WWOX: variants seen among roughly 807,000 people sequenced by gnomAD.
The protein encoded by WWOX is WW domain-containing oxidoreductase.
WWOX carries 69 observed loss-of-function variants against 46.2 expected under a neutral mutation model. That is an observed-to-expected ratio of 1.49 (90% CI 1.23 to 1.82). The LOEUF (loss-of-function observed/expected upper bound fraction) is 1.82, where lower values mean the gene tolerates loss of function less well. Ranked by LOEUF, WWOX falls within the 40% of genes most tolerant of loss-of-function variation. The probability of loss-of-function intolerance (pLI) is 0.00; values close to 1 mark genes in which losing one functional copy is unlikely to be tolerated. For missense variants in WWOX, 919 were observed against 542.6 expected, an observed-to-expected ratio of 1.69 and a Z score of -6.89; for synonymous variants, 359 against 202.6, an observed-to-expected ratio of 1.77 and a Z score of -6.56.
intron 8 of WWOX, among the ~76,000 whole-genome samples, chr16:78,872,251 C>T (rs555457491): frequency 6.6e-6 from 1 of 152,132 alleles, no homozygotes; most frequent in Non-Finnish European, 1.5e-5. Flanking sequence ...TATGAGAGCT[C>T]AGAAAAGTTT....
chr16:78,385,285 G>A (rs1401912460), intron 5 of WWOX, among the ~76,000 whole-genome samples: 3 of 152,156 alleles, frequency 2.0e-5, no homozygotes, highest in Non-Finnish European at 2.9e-5. Context: ...TGTCCACTGT[G>A]CTGGACTATA....
intron 8 of WWOX, among the ~76,000 whole-genome samples, chr16:78,665,007 G>T (rs1351524758): frequency 6.6e-6 from 1 of 152,202 alleles, no homozygotes; most frequent in Non-Finnish European, 1.5e-5. Context: ...GACGTTTTCT[G>T]TGCAGCGGCT....
chr16:79,102,042 G>C (rs1189616585), intron 8 of WWOX, among the ~76,000 whole-genome samples: 2 of 124,380 alleles, frequency 1.6e-5, no homozygotes, highest in Admixed American at 1.6e-4. Context: ...GTGGGGGTGG[G>C]GGGCAGGGAG....
chr16:78,723,513 CCTT>C (rs934792831), intron 8 of WWOX, among the ~76,000 whole-genome samples: 8 of 111,528 alleles, frequency 7.2e-5, no homozygotes, highest in African/African-American at 2.6e-4. Flanking sequence ...TCTTCTACTA[CCTT>C]CTTCTACTCC....
At chr16:78,786,606 T>C (rs76512173) in intron 8 of WWOX, among the ~76,000 whole-genome samples, 6,190 of 152,260 alleles carry the variant, frequency 0.041, 452 homozygotes, top group African/African-American at 0.14. Context: ...CATTCAACTT[T>C]TTTTAGTATA....
chr16:78,491,837 T>A (rs1205481419), intron 8 of WWOX, among the ~76,000 whole-genome samples: 1 of 152,206 alleles, frequency 6.6e-6, no homozygotes, highest in East Asian at 1.9e-4. Flanking sequence ...GGGGCACAGA[T>A]GCCTCCAGTG....
intron 8 of WWOX, among the ~76,000 whole-genome samples, chr16:78,433,728 CTT>C (rs1243801048): frequency 6.7e-6 from 1 of 149,186 alleles, no homozygotes; most frequent in Non-Finnish European, 1.5e-5. Flanking sequence ...GCTGCCTTCT[CTT>C]ACACTCATTC....
chr16:78,266,788 T>TTCTCTCTCTCGCTCTCTCTC (rs2079371130), intron 5 of WWOX, among the ~76,000 whole-genome samples: 1 of 115,532 alleles, frequency 8.7e-6, no homozygotes, highest in African/African-American at 3.2e-5. Context: ...TATTCTTCTA[T>TTCTCTCTCTCGCTCTCTCTC]TCTCTCTCTC....
Position 78,129,235 on chromosome 16 carries a change from G to A in WWOX, c.409+14081G>A, listed in dbSNP as rs192717630. On this transcript the variant is annotated intron_variant, in intron 4 of 8. Coordinates refer to ENST00000566780, the MANE Select transcript of WWOX (RefSeq NM_016373.4). ...ATTTGGGAAAGCTAGTCTTGTTGGT[G>A]TGTCATCATCGCGACGCTGTTAGTG... Among the ~76,000 whole-genome samples, 287 of 152,262 alleles carry A rather than the reference G, an allele frequency of 1.9e-3. 3 individuals carry two copies. Among genetic ancestry groups the A allele is most frequent in the African/African-American group, 6.4e-3 (264 of 41,540 alleles).
chr16:78,846,269 C>T (rs985993411), intron 8 of WWOX, among the ~76,000 whole-genome samples: 1 of 152,170 alleles, frequency 6.6e-6, no homozygotes, highest in African/African-American at 2.4e-5. Context: ...AGAAGTTAAC[C>T]TTGTTATGAT....
intron 8 of WWOX, among the ~76,000 whole-genome samples, chr16:78,774,418 C>A (rs1485752187): frequency 1.3e-5 from 2 of 151,948 alleles, no homozygotes; most frequent in Non-Finnish European, 2.9e-5. Context: ...AGAAAGAGTT[C>A]TGAATGATGA....
chr16:78,335,204 G>T (rs1473371738), intron 5 of WWOX, among the ~76,000 whole-genome samples: 1 of 152,178 alleles, frequency 6.6e-6, no homozygotes, highest in Non-Finnish European at 1.5e-5. Flanking sequence ...ATCTGCCACG[G>T]TGGTTTGCTG....
At chr16:78,265,768 G>A (rs2079350182) in intron 5 of WWOX, among the ~76,000 whole-genome samples, 1 of 150,170 alleles carries the variant, frequency 6.7e-6, no homozygotes, top group Non-Finnish European at 1.5e-5. Context: ...TTTTTTCACA[G>A]CTGTGTCTTC....
intron 8 of WWOX, among the ~76,000 whole-genome samples, chr16:78,717,157 C>T (rs1324020950): frequency 1.3e-5 from 2 of 152,146 alleles, no homozygotes; most frequent in East Asian, 3.9e-4. Flanking sequence ...TAAATCTAGT[C>T]TGTCTCCCCA....
chr16:78,194,337 C>T (rs2035979417), intron 5 of WWOX, among the ~76,000 whole-genome samples: 1 of 151,672 alleles, frequency 6.6e-6, no homozygotes, highest in Non-Finnish European at 1.5e-5. Context: ...CCTGTAATCT[C>T]TGCAATTTGG....
chr16:79,032,323 ATAT>A (rs2047778942), intron 8 of WWOX, among the ~76,000 whole-genome samples: 1 of 144,122 alleles, frequency 6.9e-6, no homozygotes, highest in African/African-American at 2.6e-5. Flanking sequence ...TGTAGTCTAT[ATAT>A]TATATTATAA....
At chr16:78,458,317 G>T (rs1405191603) in intron 8 of WWOX, among the ~76,000 whole-genome samples, 1 of 145,652 alleles carries the variant, frequency 6.9e-6, no homozygotes, top group Non-Finnish European at 1.5e-5. Context: ...CTAGAGTACA[G>T]TGGCGTGATC....
At chr16:78,427,308 G>C (rs544815277) in intron 7 of WWOX, among the ~76,000 whole-genome samples, 38 of 152,316 alleles carry the variant, frequency 2.5e-4, no homozygotes, top group African/African-American at 7.0e-4. Flanking sequence ...TCTTCACTGT[G>C]TTTTAGTTAC....
At chr16:78,702,698 G>C (rs1317213124) in intron 8 of WWOX, among the ~76,000 whole-genome samples, 1 of 151,744 alleles carries the variant, frequency 6.6e-6, no homozygotes. Context: ...GTAACTGGTA[G>C]GGAGAAAGCC....
Sources: gnomAD v4.1 joint callset for allele counts (sites outside exome capture counted in the v4.1 genomes callset) on GRCh38, gnomAD v4.1.1 for gene constraint, MANE v1.5 for transcripts, NCBI Gene and HGNC (gene_info 2026-07-23, HGNC 2026-07-21) for gene names.